RBMS1: variants seen among roughly 807,000 people sequenced by gnomAD.
RBMS1 encodes RNA binding motif single stranded interacting protein 1, also known as RNA-binding motif, single-stranded-interacting protein 1.
RBMS1 carries 17 observed loss-of-function variants against 62.3 expected under a neutral mutation model. The ratio of observed to expected loss-of-function variants is 0.27; its 90% CI spans 0.19 to 0.41. The LOEUF is 0.41. RBMS1 is among the 10% of genes least tolerant of loss of function. The probability of loss-of-function intolerance (pLI) is 1.00; values close to 1 mark genes in which losing one functional copy is unlikely to be tolerated. For missense variants in RBMS1, 334 were observed against 504.5 expected (o/e 0.66, Z 3.24); for synonymous variants, 172 against 170.0 (o/e 1.01, Z -0.09).
At chr2:160,464,333 C>T (rs937265796) in intron 1 of RBMS1, among the ~76,000 whole-genome samples, 2 of 152,176 alleles carry the variant, frequency 1.3e-5, no homozygotes, top group Non-Finnish European at 2.9e-5. Flanking sequence ...TAAAATAAGA[C>T]ATTTCTCAAA....
chr2:160,474,731 T>C (rs1480387315), intron 1 of RBMS1, among the ~76,000 whole-genome samples: 3 of 152,144 alleles, frequency 2.0e-5, no homozygotes, highest in Non-Finnish European at 4.4e-5. Flanking sequence ...CCTTTTAAAA[T>C]GCAAAATCTC....
intron 4 of RBMS1, among the ~76,000 whole-genome samples, chr2:160,310,101 T>C (rs1246275273): frequency 6.6e-6 from 1 of 152,158 alleles, no homozygotes; most frequent in Non-Finnish European, 1.5e-5. Flanking sequence ...CAGGAAAAAA[T>C]TATAATGTAT....
intron 2 of RBMS1, among the ~76,000 whole-genome samples, chr2:160,339,051 G>A (rs1456010828): frequency 1.3e-5 from 2 of 152,176 alleles, no homozygotes; most frequent in African/African-American, 4.8e-5. Context: ...GGCAAGCAGG[G>A]TTTCATTAGG....
At chr2:160,349,588 AG>A (rs1235767867) in intron 2 of RBMS1, among the ~76,000 whole-genome samples, 1 of 151,002 alleles carries the variant, frequency 6.6e-6, no homozygotes, top group Non-Finnish European at 1.5e-5. Flanking sequence ...AGAGAAAGGA[AG>A]GGAGGGAGGG....
chr2:160,324,261 G>GCACACA lies in RBMS1; in HGVS notation c.252-6040_252-6035dup, dbSNP rs75747766. 1.2e-3 allele frequency among the ~76,000 whole-genome samples: 176 copies of GCACACA among 151,310 alleles called. 5 individuals carry two copies. The highest frequency in any genetic ancestry group is 1.0e-3 in the South Asian group (5 of 4,806). Reference sequence around the variant, plus strand: ...TGTGCGTGCAAGCATGCGTGCGCGTGCACACACACACACACACAATTTTCC... The same window carrying GCACACA: ...TGTGCGTGCAAGCATGCGTGCGCGTGCACACACACACACACACACACACAATTTTCC... On this transcript the variant is annotated intron_variant, in intron 2 of 13. Transcript: ENST00000348849.
At chr2:160,396,753 C>T (rs977035186) in intron 1 of RBMS1, among the ~76,000 whole-genome samples, 1 of 151,788 alleles carries the variant, frequency 6.6e-6, no homozygotes, top group Admixed American at 6.6e-5. Context: ...TTAGTAGAGA[C>T]GGGGTTTCAC....
At chr2:160,338,829 C>A (rs1364559520) in intron 2 of RBMS1, among the ~76,000 whole-genome samples, 1 of 152,178 alleles carries the variant, frequency 6.6e-6, no homozygotes, top group Non-Finnish European at 1.5e-5. Flanking sequence ...TAATCACCCA[C>A]TCAATAGGCA....
At chr2:160,325,892 G>A (rs1690894775) in intron 2 of RBMS1, among the ~76,000 whole-genome samples, 1 of 152,108 alleles carries the variant, frequency 6.6e-6, no homozygotes, top group Non-Finnish European at 1.5e-5. Context: ...TACCTCTTTT[G>A]CCCTGATGAT....
At chr2:160,412,009 T>C (rs1274718581) in intron 1 of RBMS1, among the ~76,000 whole-genome samples, 1 of 152,254 alleles carries the variant, frequency 6.6e-6, no homozygotes, top group Non-Finnish European at 1.5e-5. Flanking sequence ...GAAGTTTTTC[T>C]TCATCTGTTT....
chr2:160,412,797 A>T (rs992597810), intron 1 of RBMS1, among the ~76,000 whole-genome samples: 5 of 152,264 alleles, frequency 3.3e-5, no homozygotes, highest in Admixed American at 2.0e-4. Context: ...TCAGAAAAAC[A>T]GAACTACAGA....
chr2:160,315,678 A>G (rs1362185882), intron 3 of RBMS1, among the ~76,000 whole-genome samples: 2 of 152,238 alleles, frequency 1.3e-5, no homozygotes, highest in South Asian at 2.1e-4. Flanking sequence ...CTGGTCTTAC[A>G]TGCACTTCTG....
Position 160,382,763 on chromosome 2 carries a change from T to C in RBMS1, c.76-15372A>G, listed in dbSNP as rs111243104. Among the ~76,000 whole-genome samples the C allele has an allele frequency of 5.2e-3, 790 of 152,324 alleles. 7 individuals carry two copies. Among genetic ancestry groups the C allele is most frequent in the African/African-American group, 0.018 (747 of 41,562 alleles). ...GTTCGTTAGAGGACTAACTTGTTAA[T>C]AGAGTCATCTGGGTGGTTTGATAAA... On this transcript the variant is annotated intron_variant, in intron 1 of 13. Transcript: ENST00000348849.
rs746161731 is a variant in RBMS1, at chr2:160,303,432, T to C, written c.458A>G (p.Asp153Gly). 3 of 1,613,544 alleles carry C rather than the reference T, an allele frequency of 1.9e-6. No homozygotes were observed. Among genetic ancestry groups the C allele is most frequent in the South Asian group, 1.1e-5 (1 of 91,036 alleles). Residue 153 changes from aspartate to glycine, a missense_variant, in exon 5 of 14, where the codon GAT (aspartate) becomes GGT (glycine). Around this residue, in one of 3 missense-constraint regions of RBMS1, gnomAD observed 150 missense variants for 228.0 expected, o/e 0.66. Transcript: ENST00000348849. ...LYISNLPLSM[D>G]EQELENMLKP... is the part of the protein sequence containing the mutation. ...GAGCATATTTTCTAGTTCTTGCTCATCCATGGAGAGTGGCAAATTAGAAAT... is the reference window on the plus strand; with the variant it reads ...GAGCATATTTTCTAGTTCTTGCTCACCCATGGAGAGTGGCAAATTAGAAAT...
rs1209439966 is a variant in RBMS1 at position 160,288,369 on chromosome 2, C to A, written c.641-1285G>T. On this transcript the variant is annotated intron_variant, in intron 6 of 13. Transcript: ENST00000348849. ...CATCTCTTATTTTATTTCATGATTA[C>A]CCACCCACTAATGACAGGGTGGAAG... 8.5e-5 allele frequency among the ~76,000 whole-genome samples: 13 copies of A among 152,298 alleles called. No homozygotes were observed. In the East Asian group the frequency reaches 2.5e-3, roughly 29 times the overall value.
intron 1 of RBMS1, among the ~76,000 whole-genome samples, chr2:160,445,615 T>A (rs1050116939): frequency 1.3e-5 from 2 of 152,258 alleles, no homozygotes; most frequent in Non-Finnish European, 2.9e-5. Flanking sequence ...AAGAAGCTAT[T>A]TGAATAATTC....
intron 1 of RBMS1, among the ~76,000 whole-genome samples, chr2:160,419,145 T>A (rs903319426): frequency 1.3e-5 from 2 of 152,186 alleles, no homozygotes; most frequent in South Asian, 2.1e-4. Flanking sequence ...ACTTCCTCAA[T>A]ATTAAAGAAT....
intron 6 of RBMS1, among the ~76,000 whole-genome samples, chr2:160,296,004 G>A (rs1400440354): frequency 3.9e-5 from 6 of 152,186 alleles, no homozygotes; most frequent in Non-Finnish European, 7.3e-5. Context: ...CCCTTCAAAG[G>A]GACTAATGTG....
At chr2:160,492,201 C>G (rs932879718) in intron 1 of RBMS1, among the ~76,000 whole-genome samples, 4 of 152,168 alleles carry the variant, frequency 2.6e-5, no homozygotes, top group African/African-American at 9.7e-5. Flanking sequence ...GAAGGGCACC[C>G]AGAGTTGTGA....
At chr2:160,450,648 C>G (rs28409476) in intron 1 of RBMS1, among the ~76,000 whole-genome samples, 32,395 of 150,426 alleles carry the variant, frequency 0.22, 3,810 homozygotes, top group African/African-American at 0.3. Context: ...TGCCTTCTTC[C>G]TTTGGATTAA....
Sources: allele counts gnomAD v4.1 joint callset (sites outside exome capture counted in the v4.1 genomes callset), GRCh38; gene constraint gnomAD v4.1.1; regional missense constraint gnomAD v4.1.1; transcripts MANE v1.5; gene names NCBI Gene and HGNC (gene_info 2026-07-23, HGNC 2026-07-21).